Variants in DAB1 observed in about 807,000 individuals in gnomAD.
DAB1 encodes disabled homolog 1.
Under a neutral mutation model 64.6 loss-of-function variants are expected in DAB1, and 15 were observed. The ratio of observed to expected loss-of-function variants is 0.23; its 90% CI spans 0.16 to 0.36. DAB1 has a LOEUF of 0.36. DAB1 is among the 10% of genes least tolerant of loss of function. DAB1 has a pLI of 1.00. For synonymous variants in DAB1, 235 were observed against 251.9 expected, an observed-to-expected ratio of 0.93 and a Z score of 0.64; for missense variants, 596 against 706.7, an observed-to-expected ratio of 0.84 and a Z score of 1.78.
chr1:57,190,216 G>C (rs557375881), intron 2 of DAB1, among the ~76,000 whole-genome samples: 16 of 152,272 alleles, frequency 1.1e-4, no homozygotes, highest in Admixed American at 9.2e-4. Context: ...TCCACGTAAG[G>C]CTGTTCTGCT....
chr1:57,770,344 T>C (rs1241960108), intron 6 of DAB1, among the ~76,000 whole-genome samples: 1 of 152,186 alleles, frequency 6.6e-6, no homozygotes, highest in Non-Finnish European at 1.5e-5. Context: ...CATAGCTCAC[T>C]GCAATCTCAA....
intron 5 of DAB1, chr1:58,056,142 C>CT: frequency 7.3e-7 from 1 of 1,369,216 alleles, no homozygotes. Flanking sequence ...CTTACATGGG[C>CT]TTTGGTGGGG....
chr1:57,185,737 T>C (rs577541365), intron 2 of DAB1, among the ~76,000 whole-genome samples: 1 of 152,272 alleles, frequency 6.6e-6, no homozygotes, highest in Admixed American at 6.5e-5. Flanking sequence ...AAATTCATAA[T>C]AATGTTTCTG....
intron 4 of DAB1, among the ~76,000 whole-genome samples, chr1:58,326,326 G>C (rs1416404936): frequency 6.6e-6 from 1 of 152,200 alleles, no homozygotes; most frequent in Non-Finnish European, 1.5e-5. Context: ...CAAGAAATCA[G>C]ACTGGCTGCT....
At chr1:57,770,328 T>C (rs1649501536) in intron 6 of DAB1, among the ~76,000 whole-genome samples, 1 of 152,154 alleles carries the variant, frequency 6.6e-6, no homozygotes, top group African/African-American at 2.4e-5. Flanking sequence ...AGTGCAGTGG[T>C]GTGATCATAG....
At chr1:57,491,083 C>T (rs1471487753) in intron 7 of DAB1, among the ~76,000 whole-genome samples, 1 of 152,180 alleles carries the variant, frequency 6.6e-6, no homozygotes, top group Non-Finnish European at 1.5e-5. Context: ...GAATTTGTAA[C>T]TCATCTATCT....
chr1:57,008,483 T>G (rs913244953), intron 14 of DAB1, among the ~76,000 whole-genome samples: 2 of 152,208 alleles, frequency 1.3e-5, no homozygotes, highest in African/African-American at 4.8e-5. Flanking sequence ...TATTAGGTGC[T>G]TTCTATGTGC....
At chr1:58,076,385 G>A (rs968054794) in intron 5 of DAB1, among the ~76,000 whole-genome samples, 2 of 152,126 alleles carry the variant, frequency 1.3e-5, no homozygotes, top group African/African-American at 4.8e-5. Context: ...AGGCCATGCT[G>A]CCTCTTATAT....
At chr1:57,984,255 AGAAAG>A (rs1557595188) in intron 5 of DAB1, among the ~76,000 whole-genome samples, 38 of 144,842 alleles carry the variant, frequency 2.6e-4, no homozygotes, top group Middle Eastern at 3.6e-3. Context: ...AAAGAAAGAA[AGAAAG>A]AAAAAAAATT....
Position 57,110,686 on chromosome 1 carries a change from C to T in DAB1, c.306+25857G>A, listed in dbSNP as rs114325854. On this transcript the variant is annotated intron_variant, in intron 4 of 14. Coordinates refer to ENST00000371236, the MANE Select transcript of DAB1 (RefSeq NM_001365792.1). ...TAATGAAGGAGAGTAAACAATCTTT[C>T]GTGAGGCACACAGTAACCATTATTA... Among the ~76,000 whole-genome samples the T allele has an allele frequency of 4.7e-3, 715 of 152,270 alleles. 8 individuals carry two copies. The highest frequency in any genetic ancestry group is 0.016 in the African/African-American group (680 of 41,558).
intron 5 of DAB1, among the ~76,000 whole-genome samples, chr1:57,990,976 G>C (rs912571855): frequency 4.6e-5 from 7 of 152,178 alleles, no homozygotes; most frequent in Admixed American, 4.6e-4. Flanking sequence ...GGGAGGAGAG[G>C]ATGAGACGTG....
At chr1:57,057,670 T>G (rs577812814) in intron 9 of DAB1, among the ~76,000 whole-genome samples, 21 of 150,806 alleles carry the variant, frequency 1.4e-4, no homozygotes, top group East Asian at 5.9e-4. Context: ...TGCAGTGGCA[T>G]GATCTCGGCT....
At chr1:57,706,596 T>A (rs1420631268) in intron 6 of DAB1, among the ~76,000 whole-genome samples, 2 of 152,134 alleles carry the variant, frequency 1.3e-5, no homozygotes, top group African/African-American at 2.4e-5. Flanking sequence ...ATTACAGGTG[T>A]AAGCTACCAT....
At chr1:58,132,788 G>C (rs980838580) in intron 5 of DAB1, among the ~76,000 whole-genome samples, 1 of 152,164 alleles carries the variant, frequency 6.6e-6, no homozygotes, top group African/African-American at 2.4e-5. Context: ...TGGGTAAACT[G>C]TCCTGGCTGG....
chr1:57,539,100 C>T (rs1361377078), intron 7 of DAB1, among the ~76,000 whole-genome samples: 1 of 152,168 alleles, frequency 6.6e-6, no homozygotes, highest in Non-Finnish European at 1.5e-5. Flanking sequence ...TCAGGGGATG[C>T]TTCAGTTTTC....
intron 4 of DAB1, among the ~76,000 whole-genome samples, chr1:58,236,236 A>G (rs1306042442): frequency 6.6e-6 from 1 of 152,112 alleles, no homozygotes; most frequent in East Asian, 1.9e-4. Context: ...TAAACTTTCA[A>G]AAAGGTTTCT....
At chr1:58,304,577 C>T (rs900885800) in intron 4 of DAB1, among the ~76,000 whole-genome samples, 3 of 152,164 alleles carry the variant, frequency 2.0e-5, no homozygotes, top group Non-Finnish European at 4.4e-5. Flanking sequence ...TGTGCATTTT[C>T]TAATTGTAAA....
intron 1 of DAB1, among the ~76,000 whole-genome samples, chr1:57,343,528 G>A (rs1032598314): frequency 1.3e-5 from 2 of 152,184 alleles, no homozygotes; most frequent in African/African-American, 2.4e-5. Flanking sequence ...AGGCTCCGCC[G>A]CACAAGAGCC....
chr1:57,897,491 A>G (rs945056924), intron 5 of DAB1, among the ~76,000 whole-genome samples: 5 of 152,212 alleles, frequency 3.3e-5, no homozygotes, highest in Non-Finnish European at 5.9e-5. Flanking sequence ...CTTTCCAATT[A>G]GCACATCTTC....
Sources: allele counts gnomAD v4.1 joint callset (sites outside exome capture counted in the v4.1 genomes callset), GRCh38; gene constraint gnomAD v4.1.1; transcripts MANE v1.5; gene names NCBI Gene and HGNC (gene_info 2026-07-23, HGNC 2026-07-21).